The following ACBD4 variants were observed in gnomAD, a reference collection of about 807,000 sequenced individuals.
ACBD4 encodes acyl-CoA binding domain containing 4, also known as acyl-CoA-binding domain-containing protein 4.
In ACBD4, 41 loss-of-function variants were observed where a neutral mutation model predicts 46.0. That is an observed-to-expected ratio of 0.89 (90% CI 0.69 to 1.16). The LOEUF is 1.16. Among genes scored for constraint, ACBD4 ranks in the 50% most tolerant of loss-of-function variants. The probability of loss-of-function intolerance (pLI) is 0.00; values close to 1 mark genes in which losing one functional copy is unlikely to be tolerated. For synonymous variants in ACBD4, 162 were observed against 155.9 expected (o/e 1.04, Z -0.29); for missense variants, 393 against 399.5 (o/e 0.98, Z 0.14).
chr17:45,140,713 G>C (rs949817559), intron 9 of ACBD4, among the ~76,000 whole-genome samples: 21 of 151,696 alleles, frequency 1.4e-4, no homozygotes, highest in Admixed American at 9.8e-4. Flanking sequence ...AAAGAGTTGG[G>C]TTCATATTCT....
In ACBD4 at chr17:45,138,153, C is replaced by A. The variant is rs376002063; in HGVS notation, c.649+165C>A. ...GGCTGCCAACCAGCCAGATACCTGC[C>A]TGGATGGGCAAAGTCCCCGCCCTCC... On this transcript the variant is annotated intron_variant, in intron 8 of 9. Transcript: ENST00000321854. The A allele has an allele frequency of 7.1e-5, 53 of 749,344 alleles. 2 individuals are homozygous for A. The East Asian group carries it at 8.4e-4, about 12-fold the overall frequency. 46.4% of individuals were successfully genotyped at this position (749,344 alleles called of 1,614,324 possible).
intron 2 of ACBD4, 113 bp downstream of exon 2, chr17:45,136,345 C>A: frequency 6.6e-7 from 1 of 1,508,366 alleles, no homozygotes; most frequent in Non-Finnish European, 9.2e-7. Context: ...CCTGCCTGGG[C>A]TGTCCTGGGG....
chr17:45,137,983 A>C lies in ACBD4; in HGVS notation c.644A>C (p.Lys215Thr). 6.2e-7 allele frequency: 1 copy of C among 1,613,236 alleles called. No homozygotes were observed. Among genetic ancestry groups the C allele is most frequent in the South Asian group, 1.1e-5 (1 of 90,926 alleles). Residue 215 changes from lysine (K) to threonine (T), a missense_variant, in exon 8 of 10, where the codon AAG becomes ACG. Lys to Thr is a moderately conservative substitution (Grantham distance 78). Around this residue, in one of 3 missense-constraint regions of ACBD4, gnomAD observed 308 missense variants for 301.8 expected, o/e 1.02. Coordinates refer to ENST00000321854, the MANE Select transcript of ACBD4 (RefSeq NM_001135705.3). ...DPRNSPVPPTKKEGLRGSPPG... is the reference protein window; with the variant it reads ...DPRNSPVPPTTKEGLRGSPPG... ...AGGAACAGCCCCGTGCCCCCCACAA[A>C]GAAAGGTGAGCTCCTACCCAACCTC...
At chr17:45,141,506 A>G (rs1456899921) in intron 9 of ACBD4, among the ~76,000 whole-genome samples, 1 of 152,102 alleles carries the variant, frequency 6.6e-6, no homozygotes, top group African/African-American at 2.4e-5. Flanking sequence ...TGGGTAACAT[A>G]GTGAGACCCT....
At chr17:45,135,536 G>A (rs1365300435), upstream of ACBD4, 1 of 152,336 alleles carries the variant, frequency 6.6e-6, no homozygotes, top group Non-Finnish European at 1.5e-5. Flanking sequence ...GCCTGATTGG[G>A]AAAGGCTCTG....
chr17:45,135,023 T>TG (rs374968536), upstream of ACBD4, among the ~76,000 whole-genome samples: 1 of 150,094 alleles, frequency 6.7e-6, no homozygotes, highest in African/African-American at 2.4e-5. Context: ...TGGAGTGCAG[T>TG]GGGGCAATCT....
intron 6 of ACBD4, 129 bp downstream of exon 6, chr17:45,137,583 G>A: frequency 7.4e-7 from 1 of 1,352,940 alleles, no homozygotes; most frequent in Non-Finnish European, 1.0e-6. Flanking sequence ...TGGGGACCGG[G>A]GTCTAGGATT....
At chr17:45,136,953 CAG>C (rs2054884178) in intron 4 of ACBD4, 64 bp from the exon 5 acceptor site, 14 of 1,607,784 alleles carry the variant, frequency 8.7e-6, no homozygotes, top group Non-Finnish European at 7.7e-6. Context: ...AGGTGTGTGA[CAG>C]GGCAGGAGCA....
chr17:45,138,513 G>A (rs777206142), intron 8 of ACBD4: 4 of 184,356 alleles, frequency 2.2e-5, no homozygotes, highest in East Asian at 1.4e-4. Context: ...GACTTTGGCC[G>A]GGCACGATGG....
At chr17:45,141,447 G>C (rs1211877670) in intron 9 of ACBD4, among the ~76,000 whole-genome samples, 2 of 152,166 alleles carry the variant, frequency 1.3e-5, no homozygotes, top group Non-Finnish European at 2.9e-5. Context: ...CAGCACTTTG[G>C]GAGGCTGAGG....
chr17:45,137,994 C>T lies in ACBD4; in HGVS notation c.649+6C>T, dbSNP rs767610226. 14 of 1,612,044 alleles carry T rather than the reference C, an allele frequency of 8.7e-6. No homozygotes were observed. In the African/African-American group the frequency reaches 1.5e-4, roughly 17 times the overall value. The stretch of plus-strand genomic sequence containing the variant: ...CGTGCCCCCCACAAAGAAAGGTGAG[C>T]TCCTACCCAACCTCTCACCCACTTC... On this transcript the variant is annotated splice_donor_region_variant and intron_variant, in intron 8 of 9. Transcript: ENST00000321854.
In ACBD4 at chr17:45,137,740, C is replaced by G. The variant is rs763719579; in HGVS notation, c.503-20C>G. The G allele has an allele frequency of 1.9e-6, 3 of 1,613,746 alleles. No homozygotes were observed. The highest frequency in any genetic ancestry group is 2.5e-6 in the Non-Finnish European group (3 of 1,179,854). On this transcript the variant is annotated intron_variant, in intron 6 of 9. Transcript: ENST00000321854. ...TCCACAGCTTCCCTCTGGGCAGTAACTCTACCAACCCCTCCACAGAGTCCC... is the reference window on the plus strand; with the variant it reads ...TCCACAGCTTCCCTCTGGGCAGTAAGTCTACCAACCCCTCCACAGAGTCCC...
At chr17:45,134,909 C>A (rs188029436), upstream of ACBD4, among the ~76,000 whole-genome samples, 1 of 152,172 alleles carries the variant, frequency 6.6e-6, no homozygotes, top group Non-Finnish European at 1.5e-5. Flanking sequence ...CCATTTCCCC[C>A]CCTCCCCAGT....
In ACBD4 at chr17:45,137,750, C is replaced by T. The variant is rs1368356717; in HGVS notation, c.503-10C>T. ...CCCTCTGGGCAGTAACTCTACCAAC[C>T]CCTCCACAGAGTCCCATTCACCCAG... On this transcript the variant is annotated splice_polypyrimidine_tract_variant and intron_variant, in intron 6 of 9. Transcript: ENST00000321854. 1.2e-6 allele frequency: 2 copies of T among 1,613,966 alleles called. No individual in the cohort carries two copies. The highest frequency in any genetic ancestry group is 1.7e-6 in the Non-Finnish European group (2 of 1,179,952).
At position 45,136,749 on chromosome 17, in the gene ACBD4, C is replaced by G; in HGVS notation, c.267C>G (p.Ile89Met). 6.2e-7 allele frequency: 1 copy of G among 1,613,722 alleles called. No homozygotes were observed. Among genetic ancestry groups the G allele is most frequent in the Non-Finnish European group, 8.5e-7 (1 of 1,180,034 alleles). ...GGGAGGAGGCCATGTCTGCCTACAT[C>G]ACTGAAATGAAACTGGTGGCACAGA... ...MSREEAMSAY[I>M]TEMKLVAQKV... is the part of the protein sequence containing the mutation. Residue 89 changes from isoleucine (I) to methionine (M), a missense_variant, in exon 4 of 10, where the codon ATC becomes ATG. Physicochemically the swap from Ile to Met is conservative, Grantham distance 10. Coordinates refer to ENST00000321854, the MANE Select transcript of ACBD4 (RefSeq NM_001135705.3).
chr17:45,132,231 C>G (rs61612038), upstream of ACBD4: 1 of 1,264,868 alleles, frequency 7.9e-7, no homozygotes, highest in Admixed American at 3.4e-5. This position sits in a 1 kb window ranked among gnomAD's most constrained non-coding sequence, Gnocchi z 4.6. Flanking sequence ...CCCCACCGCC[C>G]CTTGCCCGTC....
Position 45,143,659 on chromosome 17 carries a change from T to C in ACBD4, c.*88T>C. 1 of 1,605,682 alleles carries C rather than the reference T, an allele frequency of 6.2e-7. No individual in the cohort carries two copies. The highest frequency in any genetic ancestry group is 8.5e-7 in the Non-Finnish European group (1 of 1,174,454). ...GGGTTTAGAAGAACAGCATTCAAAA[T>C]TCCCCGTCCTGTCAGTGTTTGCCTT... On this transcript the variant is annotated 3_prime_UTR_variant, in exon 10 of 10. Transcript: ENST00000321854.
chr17:45,138,944 T>C, intron 8 of ACBD4, 77 bp from the exon 9 acceptor site: 1 of 1,509,114 alleles, frequency 6.6e-7, no homozygotes, highest in Non-Finnish European at 9.0e-7. Context: ...TTCCTGGGCT[T>C]GCCCCAGCCT....
chr17:45,137,294 C>T (rs938120994), intron 5 of ACBD4, 74 bp from the exon 6 acceptor site: 14 of 1,600,924 alleles, frequency 8.7e-6, no homozygotes, highest in East Asian at 2.2e-5. Context: ...CGGCTCATCA[C>T]GAGTAGGGGC....
Sources: gnomAD v4.1 joint callset for allele counts (sites outside exome capture counted in the v4.1 genomes callset) on GRCh38, gnomAD v4.1.1 for gene constraint, gnomAD v4.1.1 regional missense constraint, Gnocchi (gnomAD v3.1) non-coding constraint, MANE v1.5 for transcripts, NCBI Gene and HGNC (gene_info 2026-07-23, HGNC 2026-07-21) for gene names.